Variants in ZNF579 observed in about 807,000 individuals in gnomAD.
ZNF579 encodes zinc finger protein 579.
ZNF579 carries 3 observed loss-of-function variants against 5.7 expected under a neutral mutation model. That is an observed-to-expected ratio of 0.53 (90% confidence interval 0.24 to 1.36). ZNF579 has a LOEUF of 1.36. Ranked by LOEUF, ZNF579 falls within the 40% of genes most tolerant of loss-of-function variation. The pLI, the probability that ZNF579 is intolerant of heterozygous loss-of-function variation, is 0.16. For synonymous variants in ZNF579, 454 were observed against 409.0 expected (o/e 1.11, Z -1.33); for missense variants, 679 against 877.6 (o/e 0.77, Z 2.86).
Position 55,578,330 on chromosome 19 carries a change from C to A in ZNF579, c.1310G>T (p.Gly437Val). The change falls in exon 2 of 2, where the codon GGC (glycine) becomes GTC (valine). Residue 437 changes from glycine (G) to valine (V), a missense_variant. Around this residue, in one of 6 missense-constraint regions of ZNF579, gnomAD observed 68 missense variants for 154.2 expected, o/e 0.44. Coordinates refer to ENST00000325421, the MANE Select transcript of ZNF579 (RefSeq NM_152600.3). ...LARHAQVHAG[G>V]PAPHPCPRCP... is the part of the protein sequence containing the mutation. The stretch of plus-strand genomic sequence containing the variant: ...GCGGGGGCACGGGTGCGGGGCTGGG[C>A]CCCCCGCGTGCACCTGTGCGTGGCG... 3 of 1,362,004 alleles carry A rather than the reference C, an allele frequency of 2.2e-6. No homozygotes were observed. Among genetic ancestry groups the A allele is most frequent in the African/African-American group, 1.6e-5 (1 of 64,166 alleles). 84.4% of individuals were successfully genotyped at this position (1,362,004 alleles called of 1,614,324 possible). A position where few individuals can be genotyped will look rare whatever the true frequency, so the allele number is the denominator to read the frequency against.
rs750678932 is a variant in ZNF579 at position 55,578,017 on chromosome 19, G to C, written c.1623C>G (p.Phe541Leu). Residue 541 changes from phenylalanine to leucine, a missense_variant, in exon 2 of 2, where the codon TTC becomes TTG. Coordinates refer to ENST00000325421, the MANE Select transcript of ZNF579 (RefSeq NM_152600.3). Reference sequence around the variant, plus strand: ...TGTCTACCTCTTCCTCCTCCATCTCGAAGGCTGAGTGGTCTTGGCTGTCGA... The same window carrying C: ...TGTCTACCTCTTCCTCCTCCATCTCCAAGGCTGAGTGGTCTTGGCTGTCGA... ...SCFDSQDHSA[F>L]EMEEEEVDSK... The C allele has an allele frequency of 6.3e-7, 1 of 1,599,004 alleles. No homozygotes were observed.
Position 55,579,631 on chromosome 19 carries a change from C to T in ZNF579, c.9G>A (p.Pro3=), listed in dbSNP as rs960475517. The T allele has an allele frequency of 1.2e-5, 17 of 1,466,360 alleles. 1 individual carries two copies. In the Admixed American group the frequency reaches 3.4e-4, roughly 29 times the overall value. 90.8% of individuals were successfully genotyped at this position (1,466,360 alleles called of 1,614,324 possible). A position where few individuals can be genotyped will look rare whatever the true frequency, so the allele number is the denominator to read the frequency against. Residue 3 remains proline, a synonymous_variant, in exon 2 of 2, where the codon CCG becomes CCA. Coordinates refer to ENST00000325421, the MANE Select transcript of ZNF579 (RefSeq NM_152600.3). Reference sequence around the variant, plus strand: ...TGCCCTGGGCGGGTGGAGGAGGCTGCGGATCCATGCCTGTGGGGAGAGAGG... The same window carrying T: ...TGCCCTGGGCGGGTGGAGGAGGCTGTGGATCCATGCCTGTGGGGAGAGAGG... The part of the protein sequence containing the change: MD[P]QPPPPAQGSP...
intron 1 of ZNF579, among the ~76,000 whole-genome samples, chr19:55,580,489 T>G (rs1204518482): frequency 9.4e-5 from 5 of 53,014 alleles, no homozygotes; most frequent in Admixed American, 5.5e-4. Context: ...TGTGGATTCC[T>G]GGGTCCCGGT....
At position 55,578,296 on chromosome 19, in the gene ZNF579, G is replaced by T; in HGVS notation, c.1344C>A (p.Arg448=). Residue 448 remains arginine, a synonymous_variant, in exon 2 of 2, where the codon CGC becomes CGA. Transcript: ENST00000325421. The part of the protein sequence containing the change: ...PAPHPCPRCP[R]RFSRAYSLLR... Reference sequence around the variant, plus strand: ...GGAGGCTGTAGGCGCGCGAGAAGCGGCGCGGGCAGCGGGGGCACGGGTGCG... The same window carrying T: ...GGAGGCTGTAGGCGCGCGAGAAGCGTCGCGGGCAGCGGGGGCACGGGTGCG... 1 of 1,290,390 alleles carries T rather than the reference G, an allele frequency of 7.7e-7. No homozygotes were observed. The highest frequency in any genetic ancestry group is 9.8e-7 in the Non-Finnish European group (1 of 1,022,440). 79.9% of individuals were successfully genotyped at this position (1,290,390 alleles called of 1,614,324 possible).
At position 55,579,603 on chromosome 19, in the gene ZNF579, G is replaced by A. The variant is rs1385717665; in HGVS notation, c.37C>T (p.Pro13Ser). The change falls in exon 2 of 2, where the codon CCA becomes TCA. Residue 13 changes from proline to serine, a missense_variant. Physicochemically the swap from Pro to Ser is moderately conservative, Grantham distance 74. Coordinates refer to ENST00000325421, the MANE Select transcript of ZNF579 (RefSeq NM_152600.3). Reference protein sequence around the residue: ...PQPPPPAQGSPPHRGRGRGRG... With the variant: ...PQPPPPAQGSSPHRGRGRGRG... The stretch of plus-strand genomic sequence containing the variant: ...CCCCGGCCTCGGCCACGGTGAGGTG[G>A]GCTGCCCTGGGCGGGTGGAGGAGGC... 4 of 1,490,100 alleles carry A rather than the reference G, an allele frequency of 2.7e-6. No homozygotes were observed. The highest frequency in any genetic ancestry group is 3.5e-6 in the Non-Finnish European group (4 of 1,127,516). The allele number at this position is 1,490,100 out of a possible 1,614,324, so 92.3% of individuals were successfully genotyped here.
rs774552802 is a variant in ZNF579, at chr19:55,578,693, T to A, written c.947A>T (p.His316Leu). The change falls in exon 2 of 2, where the codon CAC (histidine) becomes CTC (leucine). Residue 316 changes from histidine to leucine, a missense_variant. By Grantham distance (99) the His-to-Leu change is moderately conservative. Coordinates refer to ENST00000325421, the MANE Select transcript of ZNF579 (RefSeq NM_152600.3). ...AFRLASYLRQ[H>L]RRVHGPLSLL... ...GCTGAGGGGGCCGTGGACGCGGCGG[T>A]GCTGGCGGAGGTAGGAGGCGAGGCG... 6.4e-7 allele frequency: 1 copy of A among 1,571,726 alleles called. No individual in the cohort carries two copies. Among genetic ancestry groups the A allele is most frequent in the Non-Finnish European group, 8.6e-7 (1 of 1,164,642 alleles).
chr19:55,578,288 G>A lies in ZNF579; in HGVS notation c.1352C>T (p.Ser451Leu), dbSNP rs1315702909. ...GTGGCGCAGGAGGCTGTAGGCGCGCGAGAAGCGGCGCGGGCAGCGGGGGCA... is the reference window on the plus strand; with the variant it reads ...GTGGCGCAGGAGGCTGTAGGCGCGCAAGAAGCGGCGCGGGCAGCGGGGGCA... ...HPCPRCPRRF[S>L]RAYSLLRHQR... The change falls in exon 2 of 2, where the codon TCG becomes TTG. Residue 451 changes from serine (S) to leucine (L), a missense_variant. By Grantham distance (145) the Ser-to-Leu change is moderately radical (BLOSUM62 -2). Transcript: ENST00000325421. The A allele has an allele frequency of 2.3e-6, 3 of 1,299,404 alleles. No individual in the cohort carries two copies. Among genetic ancestry groups the A allele is most frequent in the Non-Finnish European group, 2.9e-6 (3 of 1,028,248 alleles). The allele number at this position is 1,299,404 out of a possible 1,614,324, so 80.5% of individuals were successfully genotyped here.
rs1447201741 is a variant in ZNF579, at chr19:55,577,188, A to G, written c.*763T>C. On this transcript the variant is annotated 3_prime_UTR_variant, in exon 2 of 2. Transcript: ENST00000325421. Reference sequence around the variant, plus strand: ...GCTAGAATTCCAGCTCTTTCAGAGGAAGGTATTGGACTCCTCCTCAGTGCC... The same window carrying G: ...GCTAGAATTCCAGCTCTTTCAGAGGGAGGTATTGGACTCCTCCTCAGTGCC... 6.6e-6 allele frequency: 1 copy of G among 152,120 alleles called. No individual in the cohort carries two copies. The allele number at this position is 152,120 out of a possible 1,614,324, so 9.4% of individuals were successfully genotyped here. A position where few individuals can be genotyped will look rare whatever the true frequency, so the allele number is the denominator to read the frequency against.
chr19:55,579,093 C>A lies in ZNF579; in HGVS notation c.547G>T (p.Ala183Ser), dbSNP rs1420868659. ...TWPAGEPSTLAAPTSAAEPRE... is the reference protein window; with the variant it reads ...TWPAGEPSTLSAPTSAAEPRE... ...GGCTCCGCGGCGCTGGTGGGCGCAG[C>A]CAGCGTGGAAGGCTCCCCCGCAGGC... The change falls in exon 2 of 2, where the codon GCT becomes TCT. Residue 183 changes from alanine to serine, a missense_variant. This residue lies in a region of ZNF579 where 209 missense variants were observed against 223.4 expected (regional missense o/e 0.94). Transcript: ENST00000325421. The A allele has an allele frequency of 6.5e-7, 1 of 1,528,094 alleles. No homozygotes were observed. The highest frequency in any genetic ancestry group is 2.5e-5 in the East Asian group (1 of 40,222). 94.7% of individuals were successfully genotyped at this position (1,528,094 alleles called of 1,614,324 possible). A position where few individuals can be genotyped will look rare whatever the true frequency, so the allele number is the denominator to read the frequency against.
At chr19:55,579,973 A>C in intron 1 of ZNF579, 1 of 277,470 alleles carries the variant, frequency 3.6e-6, no homozygotes, top group Non-Finnish European at 6.7e-6. Context: ...AGAGCAGAGA[A>C]GAGACAGAGG....
At position 55,578,659 on chromosome 19, in the gene ZNF579, G is replaced by A; in HGVS notation, c.981C>T (p.Ala327=). The A allele has an allele frequency of 1.3e-6, 2 of 1,534,794 alleles. No homozygotes were observed. ...CCTTCTTGCCCGCCGCGGGCAGCGG[G>A]GCCAGCAGGCTGAGGGGGCCGTGGA... ...RRVHGPLSLL[A]PLPAAGKKDD... is the part of the protein sequence containing the mutation. Residue 327 remains alanine, a synonymous_variant, in exon 2 of 2, where the codon GCC becomes GCT. Transcript: ENST00000325421.
chr19:55,580,477 G>A (rs1979620499), intron 1 of ZNF579, among the ~76,000 whole-genome samples: 1 of 151,406 alleles, frequency 6.6e-6, no homozygotes, highest in Non-Finnish European at 1.5e-5. Flanking sequence ...GTATGGAGGA[G>A]GTGTGGATTC....
chr19:55,578,893 C>T lies in ZNF579; in HGVS notation c.747G>A (p.Pro249=), dbSNP rs373746702. 3.8e-6 allele frequency: 6 copies of T among 1,593,316 alleles called. No individual in the cohort carries two copies. In the South Asian group the frequency reaches 4.5e-5, roughly 12 times the overall value. Residue 249 remains proline (P), a synonymous_variant, in exon 2 of 2, where the codon CCG becomes CCA. Transcript: ENST00000325421. ...FATKGELKAH[P]CLRPEGEQEG... ...CCTGTTCGCCCTCGGGGCGCAGACA[C>T]GGGTGCGCCTTGAGCTCGCCCTTGG...
rs1386875113 is a variant in ZNF579, at chr19:55,579,531, C to T, written c.109G>A (p.Ala37Thr). ...GRGRGRGRGG[A>T]GAPRAPLPCP... ...GGCAGGGGCGCCCTAGGGGCTCCAG[C>T]GCCCCCCCTGCCACGGCCACGGCCC... is the stretch of plus-strand genomic sequence containing the variant. Residue 37 changes from alanine to threonine, a missense_variant, in exon 2 of 2, where the codon GCT becomes ACT. By Grantham distance (58) the Ala-to-Thr change is moderately conservative (BLOSUM62 0). Around this residue, in one of 6 missense-constraint regions of ZNF579, gnomAD observed 134 missense variants for 208.9 expected, o/e 0.64. Coordinates refer to ENST00000325421, the MANE Select transcript of ZNF579 (RefSeq NM_152600.3). 4.9e-6 allele frequency: 7 copies of T among 1,441,456 alleles called. No individual in the cohort carries two copies. The highest frequency in any genetic ancestry group is 1.4e-5 in the South Asian group (1 of 70,822). 89.3% of individuals were successfully genotyped at this position (1,441,456 alleles called of 1,614,324 possible). A position where few individuals can be genotyped will look rare whatever the true frequency, so the allele number is the denominator to read the frequency against.
chr19:55,577,800 G>C lies in ZNF579; in HGVS notation c.*151C>G. ...GGTTCTGGGGGCGGGCGATGGGGGA[G>C]GAAGGGGCAGTCCAGGGCCCCCCAC... On this transcript the variant is annotated 3_prime_UTR_variant, in exon 2 of 2. Coordinates refer to ENST00000325421, the MANE Select transcript of ZNF579 (RefSeq NM_152600.3). 7.2e-7 allele frequency: 1 copy of C among 1,393,054 alleles called. No homozygotes were observed. Among genetic ancestry groups the C allele is most frequent in the Non-Finnish European group, 9.5e-7 (1 of 1,055,714 alleles). 86.3% of individuals were successfully genotyped at this position (1,393,054 alleles called of 1,614,324 possible).
chr19:55,579,660 G>C lies in ZNF579; in HGVS notation c.-2-19C>G. ...TCCATGCCTGTGGGGAGAGAGGGGAGAGATGGGAAGCGGGGCAGAGATAAA... is the reference window on the plus strand; with the variant it reads ...TCCATGCCTGTGGGGAGAGAGGGGACAGATGGGAAGCGGGGCAGAGATAAA... On this transcript the variant is annotated intron_variant, in intron 1 of 1. Transcript: ENST00000325421. 2 of 1,423,024 alleles carry C rather than the reference G, an allele frequency of 1.4e-6. No individual in the cohort carries two copies. Among genetic ancestry groups the C allele is most frequent in the Non-Finnish European group, 1.8e-6 (2 of 1,097,976 alleles). The allele number at this position is 1,423,024 out of a possible 1,614,324, so 88.1% of individuals were successfully genotyped here.
Position 55,578,781 on chromosome 19 carries a change from G to A in ZNF579, c.859C>T (p.Arg287Cys). ...TCGGTGGAGTGGACCAGCCGGTGGC[G>A]CGACAGGGACCAGGGCCTGGCGAAG... Reference protein sequence around the residue: ...KAFARPWSLSRHRLVHSTDRP... With the variant: ...KAFARPWSLSCHRLVHSTDRP... The change falls in exon 2 of 2, where the codon CGC becomes TGC. Residue 287 changes from arginine (R) to cysteine (C), a missense_variant. Physicochemically the swap from Arg to Cys is radical, Grantham distance 180. Coordinates refer to ENST00000325421, the MANE Select transcript of ZNF579 (RefSeq NM_152600.3). 1 of 1,602,228 alleles carries A rather than the reference G, an allele frequency of 6.2e-7. No individual in the cohort carries two copies. The highest frequency in any genetic ancestry group is 8.5e-7 in the Non-Finnish European group (1 of 1,174,980).
chr19:55,578,247 C>A lies in ZNF579; in HGVS notation c.1393G>T (p.Ala465Ser), dbSNP rs1173605280. The change falls in exon 2 of 2, where the codon GCA becomes TCA. Residue 465 changes from alanine (A) to serine (S), a missense_variant. This residue lies in a region of ZNF579 where 68 missense variants were observed against 154.2 expected (regional missense o/e 0.44). Coordinates refer to ENST00000325421, the MANE Select transcript of ZNF579 (RefSeq NM_152600.3). Reference protein sequence around the residue: ...SLLRHQRCHRAELERAAALQA... With the variant: ...SLLRHQRCHRSELERAAALQA... Reference sequence around the variant, plus strand: ...AGCGCGGCGGCCCTCTCCAGCTCTGCGCGGTGGCAGCGCTGGTGGCGCAGG... The same window carrying A: ...AGCGCGGCGGCCCTCTCCAGCTCTGAGCGGTGGCAGCGCTGGTGGCGCAGG... The A allele has an allele frequency of 7.9e-6, 11 of 1,394,544 alleles. No homozygotes were observed. The highest frequency in any genetic ancestry group is 1.0e-5 in the Non-Finnish European group (11 of 1,083,124). 86.4% of individuals were successfully genotyped at this position (1,394,544 alleles called of 1,614,324 possible).
chr19:55,577,707 G>T lies in ZNF579; in HGVS notation c.*244C>A. 1.5e-6 allele frequency: 1 copy of T among 654,700 alleles called. No homozygotes were observed. The highest frequency in any genetic ancestry group is 2.4e-6 in the Non-Finnish European group (1 of 414,242). 40.6% of individuals were successfully genotyped at this position (654,700 alleles called of 1,614,324 possible). ...CCATCCCTCTGGCCAACTGTCCGCC[G>T]CCTTTTTTTCCAAGTCGTCCTGCCT... is the stretch of plus-strand genomic sequence containing the variant. On this transcript the variant is annotated 3_prime_UTR_variant, in exon 2 of 2. Transcript: ENST00000325421.
Sources: gnomAD v4.1 joint callset for allele counts (sites outside exome capture counted in the v4.1 genomes callset) on GRCh38, gnomAD v4.1.1 for gene constraint, gnomAD v4.1.1 regional missense constraint, MANE v1.5 for transcripts, NCBI Gene and HGNC (gene_info 2026-07-23, HGNC 2026-07-21) for gene names.